Variants in NRXN1 observed in about 807,000 individuals in gnomAD.
NRXN1 encodes the protein neurexin-1.
NRXN1 carries 39 observed loss-of-function variants against 150.9 expected under a neutral mutation model. That is an observed-to-expected ratio of 0.26 (90% CI 0.20 to 0.34). The LOEUF (loss-of-function observed/expected upper bound fraction) is 0.34, where lower values mean the gene tolerates loss of function less well. NRXN1 is among the 10% of genes least tolerant of loss of function. The pLI is 1.00. For missense variants in NRXN1, 1,815 were observed against 1,949.9 expected (o/e 0.93, Z 1.30); for synonymous variants, 924 against 757.0 (o/e 1.22, Z -3.62).
intron 17 of NRXN1, among the ~76,000 whole-genome samples, chr2:50,428,634 A>G (rs1234698314): frequency 6.6e-6 from 1 of 152,152 alleles, no homozygotes; most frequent in Non-Finnish European, 1.5e-5. Flanking sequence ...GAAGTGGGAG[A>G]GCAAGGAAAG....
chr2:50,861,384 C>G (rs1167674965), intron 5 of NRXN1, among the ~76,000 whole-genome samples: 1 of 152,098 alleles, frequency 6.6e-6, no homozygotes, highest in African/African-American at 2.4e-5. Flanking sequence ...AGCTGCCGTA[C>G]TTTATTTAGT....
At chr2:50,526,068 A>G (rs1335835653) in intron 12 of NRXN1, among the ~76,000 whole-genome samples, 15 of 152,194 alleles carry the variant, frequency 9.9e-5, no homozygotes, top group Admixed American at 9.8e-4. Flanking sequence ...GTCTGACACT[A>G]TGTATATTTT....
intron 12 of NRXN1, among the ~76,000 whole-genome samples, chr2:50,513,748 A>G (rs540453927): frequency 6.6e-6 from 1 of 152,132 alleles, no homozygotes; most frequent in African/African-American, 2.4e-5. Context: ...AAAGACCTCT[A>G]AGAGACAAAA....
chr2:50,828,019 AG>A (rs1205905609), intron 5 of NRXN1, among the ~76,000 whole-genome samples: 1 of 149,480 alleles, frequency 6.7e-6, no homozygotes, highest in African/African-American at 2.4e-5. Flanking sequence ...CCACACAGAC[AG>A]GGCAACCATC....
At chr2:50,872,492 G>A (rs1248571733) in intron 5 of NRXN1, among the ~76,000 whole-genome samples, 1 of 151,778 alleles carries the variant, frequency 6.6e-6, no homozygotes, top group Non-Finnish European at 1.5e-5. Context: ...AAAACTCGCA[G>A]TAGAATAGCA....
intron 17 of NRXN1, among the ~76,000 whole-genome samples, chr2:50,316,008 G>C (rs1055198188): frequency 6.6e-6 from 1 of 152,068 alleles, no homozygotes; most frequent in Non-Finnish European, 1.5e-5. Context: ...TAAACGGCAT[G>C]AGATGAAGGA....
intron 5 of NRXN1, among the ~76,000 whole-genome samples, chr2:50,736,562 G>A (rs1698778289): frequency 6.6e-6 from 1 of 152,160 alleles, no homozygotes; most frequent in Non-Finnish European, 1.5e-5. Context: ...CACGAGGGCG[G>A]TTTCCACCAT....
At chr2:50,986,222 A>G (rs1404764545) in intron 2 of NRXN1, among the ~76,000 whole-genome samples, 1 of 151,770 alleles carries the variant, frequency 6.6e-6, no homozygotes, top group Non-Finnish European at 1.5e-5. Flanking sequence ...GAATTAAAAC[A>G]GAAGCTTTAT....
intron 17 of NRXN1, among the ~76,000 whole-genome samples, chr2:50,319,470 C>T (rs1418040298): frequency 6.6e-6 from 1 of 152,076 alleles, no homozygotes; most frequent in Non-Finnish European, 1.5e-5. Flanking sequence ...CTTGACTGAC[C>T]TGCAGCAAAA....
chr2:50,224,080 C>T (rs151058904), intron 18 of NRXN1, among the ~76,000 whole-genome samples: 1 of 151,976 alleles, frequency 6.6e-6, no homozygotes, highest in African/African-American at 2.4e-5. Context: ...GTGCATTCAC[C>T]TTGAGGGTCA....
intron 18 of NRXN1, among the ~76,000 whole-genome samples, chr2:50,115,884 G>A (rs928476207): frequency 2.0e-5 from 3 of 152,056 alleles, no homozygotes; most frequent in Non-Finnish European, 2.9e-5. Flanking sequence ...TAAGCAGTCT[G>A]TCTTTTTAAG....
At chr2:50,305,054 C>A (rs1345992906) in intron 17 of NRXN1, among the ~76,000 whole-genome samples, 1 of 152,110 alleles carries the variant, frequency 6.6e-6, no homozygotes, top group African/African-American at 2.4e-5. Flanking sequence ...TGCTCCACTG[C>A]ACTCCAGCCT....
chr2:50,217,322 G>A (rs1000998580), intron 18 of NRXN1, among the ~76,000 whole-genome samples: 10 of 151,936 alleles, frequency 6.6e-5, no homozygotes, highest in Non-Finnish European at 1.5e-4. Flanking sequence ...CCTTTGAACA[G>A]GATGTTCAAC....
At chr2:50,961,516 A>T in intron 2 of NRXN1, among the ~76,000 whole-genome samples, 1 of 151,860 alleles carries the variant, frequency 6.6e-6, no homozygotes, top group African/African-American at 2.4e-5. Flanking sequence ...ACAACAAAAA[A>T]CCCAACCAGA....
At chr2:50,218,946 C>T (rs972806635) in intron 18 of NRXN1, among the ~76,000 whole-genome samples, 2 of 151,842 alleles carry the variant, frequency 1.3e-5, no homozygotes, top group Non-Finnish European at 2.9e-5. Flanking sequence ...GAGAGATATT[C>T]CAATAGCCTT....
chr2:50,326,846 G>A (rs959496648), intron 17 of NRXN1, among the ~76,000 whole-genome samples: 1 of 152,138 alleles, frequency 6.6e-6, no homozygotes, highest in Non-Finnish European at 1.5e-5. Context: ...AAACTAGGCA[G>A]AACATCAACA....
At chr2:50,340,720 AAGAG>A (rs1002460889) in intron 17 of NRXN1, among the ~76,000 whole-genome samples, 12 of 152,202 alleles carry the variant, frequency 7.9e-5, no homozygotes, top group African/African-American at 2.2e-4. Flanking sequence ...ATTTAAAAAA[AAGAG>A]AGAGAGAAAC....
chr2:50,576,365 T>A (rs2105492149), intron 8 of NRXN1, among the ~76,000 whole-genome samples: 1 of 152,258 alleles, frequency 6.6e-6, no homozygotes, highest in Non-Finnish European at 1.5e-5. Context: ...TTTGACAGTG[T>A]CATATATTCT....
intron 17 of NRXN1, among the ~76,000 whole-genome samples, chr2:50,408,016 C>T (rs1327513308): frequency 1.3e-5 from 2 of 152,214 alleles, no homozygotes; most frequent in South Asian, 2.1e-4. Context: ...AATGACAATG[C>T]ACTCAATAAA....
Sources: gnomAD v4.1 joint callset for allele counts (sites outside exome capture counted in the v4.1 genomes callset) on GRCh38, gnomAD v4.1.1 for gene constraint, MANE v1.5 for transcripts, NCBI Gene and HGNC (gene_info 2026-07-23, HGNC 2026-07-21) for gene names.